SAMSN1: variants seen among roughly 807,000 people sequenced by gnomAD.
The protein encoded by SAMSN1 is SAM domain-containing protein SAMSN-1.
Under a neutral mutation model 42.0 loss-of-function variants are expected in SAMSN1, and 31 were observed. The ratio of observed to expected loss-of-function variants is 0.74; its 90% CI spans 0.55 to 1.00. SAMSN1 has a LOEUF of 1.00. Ranked by LOEUF, SAMSN1 falls within the 50% of genes least tolerant of loss-of-function variation. The pLI, the probability that SAMSN1 is intolerant of heterozygous loss-of-function variation, is 0.00. For synonymous variants in SAMSN1, 178 were observed against 151.9 expected (o/e 1.17, Z -1.26); for missense variants, 464 against 439.4 (o/e 1.06, Z -0.50).
chr21:14,512,783 C>T (rs2049857), intron 3 of SAMSN1, among the ~76,000 whole-genome samples: 78,700 of 152,060 alleles, frequency 0.52, 20,694 homozygotes, highest in African/African-American at 0.6. Context: ...CACATTCTTT[C>T]TGTAAAATTC....
rs373444626 is a variant in SAMSN1 at position 14,541,063 on chromosome 21, T to G, written c.57+5142A>C. Among the ~76,000 whole-genome samples, 32 of 143,122 alleles carry G rather than the reference T, an allele frequency of 2.2e-4. 1 individual carries two copies. Among genetic ancestry groups the G allele is most frequent in the South Asian group, 1.7e-3 (8 of 4,656 alleles). The allele number at this position is 143,122 out of a possible 152,430, so 93.9% of individuals were successfully genotyped here. On this transcript the variant is annotated intron_variant, in intron 1 of 7. Transcript: ENST00000400566. The stretch of plus-strand genomic sequence containing the variant: ...ACCAAACACCGCATGTTCTCACTCA[T>G]CAGTGGGAATTGAACAATGGGAACA...
At chr21:14,487,143 G>A (rs1194884921) in intron 7 of SAMSN1, among the ~76,000 whole-genome samples, 1 of 152,062 alleles carries the variant, frequency 6.6e-6, no homozygotes, top group African/African-American at 2.4e-5. Flanking sequence ...ATAGCTCCAC[G>A]TTGAAAGAGC....
At chr21:14,616,883 G>A (rs1982851580) in intron 2 of SAMSN1, among the ~76,000 whole-genome samples, 1 of 152,208 alleles carries the variant, frequency 6.6e-6, no homozygotes, top group Non-Finnish European at 1.5e-5. Context: ...CTATTATTCA[G>A]GTCGTTAATA....
At chr21:14,615,769 T>A (rs1215115113) in intron 3 of SAMSN1, among the ~76,000 whole-genome samples, 1 of 149,822 alleles carries the variant, frequency 6.7e-6, no homozygotes, top group African/African-American at 2.5e-5. Flanking sequence ...CATCCCTGTC[T>A]ACTGGAATGT....
At chr21:14,516,141 G>T (rs991838670) in intron 3 of SAMSN1, among the ~76,000 whole-genome samples, 1 of 152,050 alleles carries the variant, frequency 6.6e-6, no homozygotes, top group African/African-American at 2.4e-5. Flanking sequence ...ATATCCAAGA[G>T]AAATGAAAAA....
intron 1 of SAMSN1, among the ~76,000 whole-genome samples, chr21:14,657,998 C>A (rs184838144): frequency 6.6e-6 from 1 of 151,742 alleles, no homozygotes; most frequent in African/African-American, 2.4e-5. Context: ...GATCTCCCAT[C>A]GACATCTTGA....
chr21:14,513,947 C>T (rs1476311126), intron 3 of SAMSN1, among the ~76,000 whole-genome samples: 2 of 152,102 alleles, frequency 1.3e-5, no homozygotes, highest in Non-Finnish European at 2.9e-5. Flanking sequence ...GTGTGGTGGC[C>T]ATGGAAATGT....
At chr21:14,538,613 A>G (rs996013846) in intron 1 of SAMSN1, among the ~76,000 whole-genome samples, 1 of 152,214 alleles carries the variant, frequency 6.6e-6, no homozygotes, top group African/African-American at 2.4e-5. Flanking sequence ...CAGTCTTGAT[A>G]CAAAAAAACA....
chr21:14,603,490 A>G (rs1982490022), intron 5 of SAMSN1, among the ~76,000 whole-genome samples: 1 of 152,234 alleles, frequency 6.6e-6, no homozygotes, highest in Non-Finnish European at 1.5e-5. Context: ...ATACAGTTTG[A>G]AAAAGTGGAA....
At chr21:14,511,238 A>G (rs1987675995) in intron 4 of SAMSN1, among the ~76,000 whole-genome samples, 1 of 152,214 alleles carries the variant, frequency 6.6e-6, no homozygotes, top group South Asian at 2.1e-4. Flanking sequence ...TTGTATGTGA[A>G]CTGATGTAAA....
chr21:14,578,528 CA>C (rs1439586510), intron 2 of SAMSN1, among the ~76,000 whole-genome samples: 1 of 151,624 alleles, frequency 6.6e-6, no homozygotes, highest in Admixed American at 6.6e-5. Flanking sequence ...ACTAAAAATA[CA>C]AAAATAAGCC....
intron 1 of SAMSN1, among the ~76,000 whole-genome samples, chr21:14,536,106 T>C (rs1268483973): frequency 6.6e-6 from 1 of 152,242 alleles, no homozygotes; most frequent in Admixed American, 6.5e-5. Flanking sequence ...AATATGAATG[T>C]CTTGTTTCTG....
intron 2 of SAMSN1, among the ~76,000 whole-genome samples, chr21:14,564,496 A>C (rs1228239663): frequency 6.6e-6 from 1 of 152,206 alleles, no homozygotes; most frequent in Non-Finnish European, 1.5e-5. Flanking sequence ...ACCTAAAGAC[A>C]AAAAGCTAAC....
At chr21:14,505,431 G>A (rs1199985575) in intron 5 of SAMSN1, among the ~76,000 whole-genome samples, 1 of 152,152 alleles carries the variant, frequency 6.6e-6, no homozygotes, top group African/African-American at 2.4e-5. Context: ...GACACCAAAA[G>A]TGAGCAGGAA....
intron 1 of SAMSN1, among the ~76,000 whole-genome samples, chr21:14,523,790 C>A (rs975537922): frequency 2.0e-5 from 3 of 152,132 alleles, no homozygotes; most frequent in African/African-American, 7.2e-5. Context: ...CTCGTTTCAG[C>A]ATTTTGCTAC....
upstream of SAMSN1, among the ~76,000 whole-genome samples, chr21:14,584,632 T>C (rs1184052734): frequency 1.3e-5 from 2 of 152,216 alleles, no homozygotes; most frequent in East Asian, 3.8e-4. Flanking sequence ...TTGAATTCAC[T>C]AGATGTGATG....
intron 1 of SAMSN1, among the ~76,000 whole-genome samples, chr21:14,646,033 A>C (rs1419134225): frequency 6.6e-6 from 1 of 152,198 alleles, no homozygotes. Flanking sequence ...TTGCCTCAAA[A>C]GGGCAAATCT....
At chr21:14,545,561 A>G (rs939557519) in intron 1 of SAMSN1, among the ~76,000 whole-genome samples, 1 of 151,788 alleles carries the variant, frequency 6.6e-6, no homozygotes, top group African/African-American at 2.4e-5. Flanking sequence ...AGTAGCACTT[A>G]TTGCCAAGAC....
chr21:14,608,231 G>T (rs986261270), intron 5 of SAMSN1, among the ~76,000 whole-genome samples: 4 of 152,194 alleles, frequency 2.6e-5, no homozygotes, highest in African/African-American at 9.7e-5. Flanking sequence ...GGTGGTTTTG[G>T]ATTGCTGACT....
Sources: gnomAD v4.1 joint callset for allele counts (sites outside exome capture counted in the v4.1 genomes callset) on GRCh38, gnomAD v4.1.1 for gene constraint, MANE v1.5 for transcripts, NCBI Gene and HGNC (gene_info 2026-07-23, HGNC 2026-07-21) for gene names.